ST6GALNAC3: variants seen among roughly 807,000 people sequenced by gnomAD.
ST6GALNAC3 encodes alpha-N-acetylgalactosaminide alpha-2,6-sialyltransferase 3.
A neutral mutation model predicts 32.7 loss-of-function variants in ST6GALNAC3; 25 were observed. The ratio of observed to expected loss-of-function variants is 0.76; its 90% CI spans 0.56 to 1.07. The LOEUF is 1.07. Ranked by LOEUF, ST6GALNAC3 falls within the 50% of genes least tolerant of loss-of-function variation. ST6GALNAC3 has a pLI of 0.00. For missense variants in ST6GALNAC3, 355 were observed against 382.4 expected (o/e 0.93, Z 0.60); for synonymous variants, 129 against 133.1 (o/e 0.97, Z 0.21).
intron 3 of ST6GALNAC3, among the ~76,000 whole-genome samples, chr1:76,560,838 T>C (rs531259995): frequency 5.3e-5 from 8 of 152,312 alleles, no homozygotes; most frequent in African/African-American, 1.9e-4. Context: ...GCTGGGTATA[T>C]AACCAAAAGA....
chr1:76,136,031 A>C (rs1446167395), intron 1 of ST6GALNAC3, among the ~76,000 whole-genome samples: 2 of 152,182 alleles, frequency 1.3e-5, no homozygotes, highest in Non-Finnish European at 2.9e-5. Context: ...GCTCATGTGC[A>C]GTCTGGAATC....
intron 2 of ST6GALNAC3, among the ~76,000 whole-genome samples, chr1:76,376,382 C>T (rs1212173698): frequency 6.6e-6 from 1 of 152,064 alleles, no homozygotes. Flanking sequence ...GTTAGTGTAA[C>T]CAATACCACA....
intron 3 of ST6GALNAC3, among the ~76,000 whole-genome samples, chr1:76,421,227 C>A (rs1655010428): frequency 6.6e-6 from 1 of 152,108 alleles, no homozygotes; most frequent in South Asian, 2.1e-4. Context: ...GCCAAAGAGG[C>A]AAGTTCTAGG....
At chr1:76,183,810 A>G (rs1016609727) in intron 1 of ST6GALNAC3, among the ~76,000 whole-genome samples, 9 of 145,192 alleles carry the variant, frequency 6.2e-5, no homozygotes, top group Non-Finnish European at 1.2e-4. Context: ...TGGGATCAGC[A>G]TTGTATATGC....
At chr1:76,273,545 A>G (rs1466190579) in intron 1 of ST6GALNAC3, among the ~76,000 whole-genome samples, 1 of 152,228 alleles carries the variant, frequency 6.6e-6, no homozygotes, top group Non-Finnish European at 1.5e-5. Flanking sequence ...GGAACTTCCT[A>G]GTAATCAAAG....
intron 3 of ST6GALNAC3, among the ~76,000 whole-genome samples, chr1:76,580,850 G>A (rs1304320232): frequency 3.3e-5 from 5 of 151,854 alleles, no homozygotes; most frequent in African/African-American, 1.2e-4. Context: ...TTTGGGAGAG[G>A]GGCTTCAATA....
At chr1:76,492,291 A>G (rs938214003) in intron 3 of ST6GALNAC3, among the ~76,000 whole-genome samples, 3 of 152,170 alleles carry the variant, frequency 2.0e-5, no homozygotes, top group Non-Finnish European at 2.9e-5. Context: ...AATATAACAC[A>G]TATTTCATGG....
intron 1 of ST6GALNAC3, among the ~76,000 whole-genome samples, chr1:76,242,152 G>A (rs1450615481): frequency 1.3e-5 from 2 of 152,058 alleles, no homozygotes; most frequent in African/African-American, 4.8e-5. Flanking sequence ...CACAATCACA[G>A]GCTATATGGC....
intron 3 of ST6GALNAC3, among the ~76,000 whole-genome samples, chr1:76,450,209 CT>C (rs765821729): frequency 6.6e-6 from 1 of 152,028 alleles, no homozygotes; most frequent in East Asian, 1.9e-4. Context: ...GAAGTGTTCC[CT>C]TTTCACCATA....
intron 2 of ST6GALNAC3, among the ~76,000 whole-genome samples, chr1:76,360,315 A>G (rs76403728): frequency 6.6e-6 from 1 of 152,112 alleles, no homozygotes; most frequent in African/African-American, 2.4e-5. Flanking sequence ...TTCTTTGTTT[A>G]CAGCTCTCAT....
intron 3 of ST6GALNAC3, among the ~76,000 whole-genome samples, chr1:76,417,325 A>G (rs1417970566): frequency 6.6e-6 from 1 of 151,908 alleles, no homozygotes; most frequent in Non-Finnish European, 1.5e-5. Context: ...ATTCTACAGA[A>G]CTTTCATTTC....
At chr1:76,591,476 A>G (rs1371394378) in intron 3 of ST6GALNAC3, among the ~76,000 whole-genome samples, 1 of 152,128 alleles carries the variant, frequency 6.6e-6, no homozygotes, top group Non-Finnish European at 1.5e-5. Context: ...AGTGTGTATG[A>G]TGCAGATTTA....
In ST6GALNAC3 at chr1:76,284,397, T is replaced by C. The variant is rs190296691; in HGVS notation, c.19-29408T>C. ...CACATTGGACATATTTTCTATTCTA[T>C]TGGGGTCTGGAGAGATAGGCAAGTA... On this transcript the variant is annotated intron_variant, in intron 1 of 4. Coordinates refer to ENST00000328299, the MANE Select transcript of ST6GALNAC3 (RefSeq NM_152996.4). Among the ~76,000 whole-genome samples, 14 of 152,168 alleles carry C rather than the reference T, an allele frequency of 9.2e-5. 1 individual carries two copies. The highest frequency in any genetic ancestry group is 1.3e-4 in the Non-Finnish European group (9 of 68,012).
chr1:76,294,141 G>T (rs1391213678), intron 1 of ST6GALNAC3, among the ~76,000 whole-genome samples: 3 of 152,084 alleles, frequency 2.0e-5, no homozygotes, highest in Non-Finnish European at 4.4e-5. Flanking sequence ...GAGTCTCATT[G>T]TTCCCACTAT....
intron 1 of ST6GALNAC3, among the ~76,000 whole-genome samples, chr1:76,134,031 A>G (rs1557643749): frequency 6.6e-6 from 1 of 152,196 alleles, no homozygotes; most frequent in Non-Finnish European, 1.5e-5. Context: ...ATGTTTAAGC[A>G]GTACAAGGAA....
intron 3 of ST6GALNAC3, among the ~76,000 whole-genome samples, chr1:76,590,035 GGTTCAAT>G (rs1224429745): frequency 6.6e-6 from 1 of 152,094 alleles, no homozygotes; most frequent in African/African-American, 2.4e-5. Flanking sequence ...ATTCTGGCCA[GGTTCAAT>G]GGCATTTAAG....
At chr1:76,216,598 G>A (rs1253816312) in intron 1 of ST6GALNAC3, among the ~76,000 whole-genome samples, 1 of 152,146 alleles carries the variant, frequency 6.6e-6, no homozygotes, top group Non-Finnish European at 1.5e-5. Context: ...CCACTTTCAA[G>A]CTTTTCTTCT....
intron 1 of ST6GALNAC3, among the ~76,000 whole-genome samples, chr1:76,093,240 A>G (rs1303480929): frequency 6.6e-6 from 1 of 152,224 alleles, no homozygotes; most frequent in African/African-American, 2.4e-5. Flanking sequence ...TACATATGAA[A>G]AGAAGGCAGT....
chr1:76,096,375 C>T (rs149093894), intron 1 of ST6GALNAC3, among the ~76,000 whole-genome samples: 1 of 151,986 alleles, frequency 6.6e-6, no homozygotes, highest in Non-Finnish European at 1.5e-5. Context: ...CAGCTTATTG[C>T]ATTTGTTTTA....
Sources: gnomAD v4.1 joint callset for allele counts (sites outside exome capture counted in the v4.1 genomes callset) on GRCh38, gnomAD v4.1.1 for gene constraint, MANE v1.5 for transcripts, NCBI Gene and HGNC (gene_info 2026-07-23, HGNC 2026-07-21) for gene names.